Variants in ZNF831 observed in about 807,000 individuals in gnomAD.
The protein encoded by ZNF831 is chromosome 20 open reading frame 174.
A neutral mutation model predicts 95.8 loss-of-function variants in ZNF831; 59 were observed. That is an observed-to-expected ratio of 0.62 (90% confidence interval 0.50 to 0.77). The LOEUF (loss-of-function observed/expected upper bound fraction) is 0.77. Ranked by LOEUF, ZNF831 falls within the 30% of genes least tolerant of loss-of-function variation. The pLI is 0.00. For missense variants in ZNF831, 2,205 were observed against 2,164.0 expected (o/e 1.02, Z -0.38); for synonymous variants, 961 against 925.5 (o/e 1.04, Z -0.70).
chr20:59,168,451 GGA>G (rs1359673374), intron 1 of ZNF831, among the ~76,000 whole-genome samples: 1 of 139,904 alleles, frequency 7.1e-6, no homozygotes, highest in African/African-American at 2.7e-5. Flanking sequence ...ATTAGTGCGA[GGA>G]GGTTTTTTTT....
chr20:59,235,680 A>T (rs1165830149), intron 4 of ZNF831, among the ~76,000 whole-genome samples: 1 of 152,000 alleles, frequency 6.6e-6, no homozygotes, highest in East Asian at 1.9e-4. Flanking sequence ...TGCTACCTAT[A>T]AAAAAAAGAA....
intron 2 of ZNF831, among the ~76,000 whole-genome samples, chr20:59,157,752 T>A (rs992225338): frequency 2.0e-5 from 3 of 152,194 alleles, no homozygotes; most frequent in Non-Finnish European, 4.4e-5. Context: ...TTTTTGTAAA[T>A]ACATCCAACA....
At chr20:59,143,498 C>A (rs1405826404) in intron 1 of ZNF831, among the ~76,000 whole-genome samples, 1 of 152,244 alleles carries the variant, frequency 6.6e-6, no homozygotes, top group Non-Finnish European at 1.5e-5. Flanking sequence ...CCCTTCCCTC[C>A]TGGGCTGGGC....
chr20:59,132,812 C>G (rs1043141478), intron 1 of ZNF831, among the ~76,000 whole-genome samples: 4 of 152,270 alleles, frequency 2.6e-5, no homozygotes, highest in Non-Finnish European at 5.9e-5. Context: ...GGCCGCTTCT[C>G]CAGCCTTGCT....
chr20:59,180,087 C>T (rs1475122117), intron 1 of ZNF831, among the ~76,000 whole-genome samples: 1 of 152,088 alleles, frequency 6.6e-6, no homozygotes, highest in Non-Finnish European at 1.5e-5. Flanking sequence ...TCTAGACGAT[C>T]ATTTTATTTT....
Position 59,195,891 on chromosome 20 carries a change from G to A in ZNF831, c.3761G>A (p.Gly1254Glu). 6.2e-7 allele frequency: 1 copy of A among 1,614,142 alleles called. No homozygotes were observed. The highest frequency in any genetic ancestry group is 8.5e-7 in the Non-Finnish European group (1 of 1,180,022). Residue 1254 changes from glycine (G) to glutamate (E), a missense_variant, in exon 3 of 6, where the codon GGG becomes GAG. By Grantham distance (98) the Gly-to-Glu change is moderately conservative. Coordinates refer to ENST00000371030, the MANE Select transcript of ZNF831 (RefSeq NM_178457.3). ...MSKFSYPTVP[G>E]VMPQHQVSEP... ...CAGTTCTCCTACCCAACAGTCCCAG[G>A]GGTGATGCCCCAGCACCAGGTGTCT...
chr20:59,142,167 T>C (rs957003500), intron 1 of ZNF831, among the ~76,000 whole-genome samples: 2 of 151,978 alleles, frequency 1.3e-5, no homozygotes, highest in African/African-American at 2.4e-5. Flanking sequence ...AGTTGAGTGA[T>C]GGGTAGTAGA....
At position 59,128,030 on chromosome 20, in the gene ZNF831, G is replaced by A. The variant is rs562075770; in HGVS notation, c.-1425+4525G>A. ...TGGGGGCCGTGGCCCAGTGTGAGGC[G>A]TTTGCAACCGTGCGTGTGCAGCACA... On this transcript the variant is annotated intron_variant, in intron 1 of 7. Transcript: ENST00000637017. Among the ~76,000 whole-genome samples, 148 of 152,314 alleles carry A rather than the reference G, an allele frequency of 9.7e-4. 1 individual carries two copies. Among genetic ancestry groups the A allele is most frequent in the East Asian group, 1.2e-3 (6 of 5,172 alleles).
chr20:59,167,290 T>C (rs1208938119), intron 1 of ZNF831, among the ~76,000 whole-genome samples: 1 of 152,242 alleles, frequency 6.6e-6, no homozygotes, highest in Non-Finnish European at 1.5e-5. Context: ...TGTTGGTTTT[T>C]TTTTAACTGT....
chr20:59,130,897 TGAGCTCTGTGAGCC>T (rs1302208828), intron 1 of ZNF831, among the ~76,000 whole-genome samples: 8 of 152,170 alleles, frequency 5.3e-5, no homozygotes, highest in Non-Finnish European at 1.0e-4. Flanking sequence ...TGACAATGGC[TGAGCTCTGTGAGCC>T]CCTGTTTCCT....
At chr20:59,153,625 A>G (rs1184091673) in intron 2 of ZNF831, among the ~76,000 whole-genome samples, 1 of 149,162 alleles carries the variant, frequency 6.7e-6, no homozygotes, top group African/African-American at 2.4e-5. Context: ...TGAAGGGCAA[A>G]TGTGGTTGGG....
chr20:59,199,322 A>G (rs1984366727), intron 3 of ZNF831, among the ~76,000 whole-genome samples: 1 of 152,164 alleles, frequency 6.6e-6, no homozygotes, highest in Non-Finnish European at 1.5e-5. Context: ...AATGTTATAT[A>G]ACAATATATA....
chr20:59,124,837 T>C (rs753694695), intron 1 of ZNF831, among the ~76,000 whole-genome samples: 12 of 152,210 alleles, frequency 7.9e-5, no homozygotes, highest in Non-Finnish European at 1.5e-4. Context: ...GTGGAACCTC[T>C]AGTTGGTTTC....
At chr20:59,196,614 C>T (rs1984125655) in intron 3 of ZNF831, among the ~76,000 whole-genome samples, 1 of 152,228 alleles carries the variant, frequency 6.6e-6, no homozygotes, top group Non-Finnish European at 1.5e-5. Flanking sequence ...ATTCTCTAAC[C>T]CCTGCCCTCT....
rs2146583697 is a variant in ZNF831, at chr20:59,193,457, C to G, written c.2438C>G (p.Ser813Ter). ...GTCCTGAGATGGCCCAGCAGGGGCTCAGGGGAGGACAAGCTCCCCTCAGAG... is the reference window on the plus strand; with the variant it reads ...GTCCTGAGATGGCCCAGCAGGGGCTGAGGGGAGGACAAGCTCCCCTCAGAG... ...QTVLRWPSRG[S>*]GEDKLPSERK... The change falls in exon 2 of 6, where the codon TCA becomes TGA. Residue 813 changes from serine to a stop codon, truncating the protein, a stop_gained. Transcript: ENST00000371030. LOFTEE classifies it high-confidence loss of function. The G allele has an allele frequency of 6.2e-7, 1 of 1,607,478 alleles. No homozygotes were observed. The highest frequency in any genetic ancestry group is 1.3e-5 in the African/African-American group (1 of 74,920).
chr20:59,150,393 T>C (rs1367708498), intron 2 of ZNF831, among the ~76,000 whole-genome samples: 1 of 152,214 alleles, frequency 6.6e-6, no homozygotes, highest in African/African-American at 2.4e-5. Flanking sequence ...AAATACAGGA[T>C]GCCCAGTTAA....
In ZNF831 at chr20:59,172,044, C is replaced by T. The variant is rs975851077; in HGVS notation, c.-37+7837C>T. Among the ~76,000 whole-genome samples the T allele has an allele frequency of 3.9e-5, 6 of 152,264 alleles. No individual in the cohort carries two copies. The East Asian group carries it at 1.2e-3, about 29-fold the overall frequency. The stretch of plus-strand genomic sequence containing the variant: ...GTCCTTTTCAAGGGGACCTGGCTTT[C>T]CCTTCAATCAAGGGCCTGTAGGTCT... On this transcript the variant is annotated intron_variant, in intron 1 of 5. Transcript: ENST00000371030.
At chr20:59,233,668 T>C (rs1986856945) in intron 4 of ZNF831, among the ~76,000 whole-genome samples, 1 of 152,210 alleles carries the variant, frequency 6.6e-6, no homozygotes, top group South Asian at 2.1e-4. Context: ...AATATGGAAG[T>C]ATCATGTCCC....
At position 59,194,451 on chromosome 20, in the gene ZNF831, C is replaced by G. The variant is rs1983918657; in HGVS notation, c.3432C>G (p.Pro1144=). Residue 1144 remains proline (P), a synonymous_variant, in exon 2 of 6, where the codon CCC becomes CCG. Transcript: ENST00000371030. ...LTALTRPQGV[P]PGWPELALSS... ...CCCTCACTCGGCCTCAGGGTGTGCC[C>G]CCAGGCTGGCCAGAGCTGGCCTTGT... The G allele has an allele frequency of 6.2e-7, 1 of 1,612,964 alleles. No individual in the cohort carries two copies. The highest frequency in any genetic ancestry group is 1.3e-5 in the African/African-American group (1 of 74,940).
Sources: allele counts gnomAD v4.1 joint callset (sites outside exome capture counted in the v4.1 genomes callset), GRCh38; gene constraint gnomAD v4.1.1; transcripts MANE v1.5; gene names NCBI Gene and HGNC (gene_info 2026-07-23, HGNC 2026-07-21).